Variants in SMAD2 observed in about 807,000 individuals in gnomAD.
SMAD2 encodes SMAD family member 2, also known as MAD homolog 2.
In SMAD2, 8 loss-of-function variants were observed where a neutral mutation model predicts 64.4. The ratio of observed to expected loss-of-function variants is 0.12; its 90% CI spans 0.07 to 0.22. The LOEUF (loss-of-function observed/expected upper bound fraction) is 0.22. SMAD2 is among the 10% of genes least tolerant of loss of function. The pLI is 1.00. For missense variants in SMAD2, 289 were observed against 561.2 expected (o/e 0.51, Z 4.90); for synonymous variants, 203 against 195.8 (o/e 1.04, Z -0.31).
Position 47,820,894 on chromosome 18 carries a change from T to TACACACACACACAC in SMAD2, c.*20932_*20933insGTGTGTGTGTGTGT, listed in dbSNP as rs1491457689. 3.9e-5 allele frequency: 4 copies of TACACACACACACAC among 102,974 alleles called. No individual in the cohort carries two copies. The highest frequency in any genetic ancestry group is 1.6e-4 in the African/African-American group (4 of 24,276). The allele number at this position is 102,974 out of a possible 1,614,324, so 6.4% of individuals were successfully genotyped here. A position where few individuals can be genotyped will look rare whatever the true frequency, so the allele number is the denominator to read the frequency against. Reference sequence around the variant, plus strand: ...GATAGTGTAAATGCTATACATGCACTATACACACACACACACACACACACA... The same window carrying TACACACACACACAC: ...GATAGTGTAAATGCTATACATGCACTACACACACACACACATACACACACACACACACACACACA... On this transcript the variant is annotated 3_prime_UTR_variant, in exon 11 of 11. Coordinates refer to ENST00000262160, the MANE Select transcript of SMAD2 (RefSeq NM_005901.6).
At chr18:47,859,626 T>C (rs1274538462) in intron 6 of SMAD2, among the ~76,000 whole-genome samples, 1 of 152,120 alleles carries the variant, frequency 6.6e-6, no homozygotes. Context: ...ATTTGTAATA[T>C]AGAGCTAACA....
intron 6 of SMAD2, among the ~76,000 whole-genome samples, chr18:47,862,058 T>C (rs1266133821): frequency 6.6e-6 from 1 of 152,184 alleles, no homozygotes; most frequent in Non-Finnish European, 1.5e-5. Flanking sequence ...GAGTAAGTCT[T>C]GTAAGTGGAG....
chr18:47,889,170 G>C (rs115728644), intron 2 of SMAD2, among the ~76,000 whole-genome samples: 228 of 152,246 alleles, frequency 1.5e-3, no homozygotes, highest in African/African-American at 5.4e-3. Flanking sequence ...TTTAGCCCAA[G>C]TACAACAGAA....
chr18:47,913,474 T>C (rs2034220870), intron 1 of SMAD2, among the ~76,000 whole-genome samples: 1 of 152,190 alleles, frequency 6.6e-6, no homozygotes, highest in Non-Finnish European at 1.5e-5. Flanking sequence ...AGCCTTACCT[T>C]TGCATGTCTC....
At chr18:47,875,655 T>C (rs2032221585) in intron 2 of SMAD2, among the ~76,000 whole-genome samples, 1 of 152,158 alleles carries the variant, frequency 6.6e-6, no homozygotes, top group Admixed American at 6.5e-5. Flanking sequence ...ATTATCTACT[T>C]TAAAATGCAA....
Position 47,833,222 on chromosome 18 carries a change from G to C in SMAD2, c.*8605C>G, listed in dbSNP as rs1272164949. 1.4e-5 allele frequency: 3 copies of C among 211,138 alleles called. No individual in the cohort carries two copies. Among genetic ancestry groups the C allele is most frequent in the Non-Finnish European group, 2.9e-5 (3 of 103,722 alleles). The allele number at this position is 211,138 out of a possible 1,614,324, so 13.1% of individuals were successfully genotyped here. ...AAAAGTGAAAGCACATACAGATGAT[G>C]CACACAAATATATATAAAAATTGAC... On this transcript the variant is annotated 3_prime_UTR_variant, in exon 11 of 11. Transcript: ENST00000262160.
In SMAD2 at chr18:47,848,442, T is replaced by C. The variant is rs756924296; in HGVS notation, c.997+33A>G. 4 of 1,508,046 alleles carry C rather than the reference T, an allele frequency of 2.7e-6. No homozygotes were observed. The Admixed American group carries it at 6.7e-5, about 25-fold the overall frequency. The allele number at this position is 1,508,046 out of a possible 1,614,324, so 93.4% of individuals were successfully genotyped here. A position where few individuals can be genotyped will look rare whatever the true frequency, so the allele number is the denominator to read the frequency against. On this transcript the variant is annotated intron_variant, in intron 8 of 10. Coordinates refer to ENST00000262160, the MANE Select transcript of SMAD2 (RefSeq NM_005901.6). The stretch of plus-strand genomic sequence containing the variant: ...ATGCCTACATTATGAGTATACAGCA[T>C]TTATTTTTCACAACAAGGAAAATAA...
At position 47,889,770 on chromosome 18, in the gene SMAD2, C is replaced by CA. The variant is rs762837949; in HGVS notation, c.236+6750dup. On this transcript the variant is annotated intron_variant, in intron 2 of 10. Transcript: ENST00000262160. ...TGGGTGACAGAGCGAGACTCCATCT[C>CA]AAAAAAAAAAAAAAGGACTGGAAAC... Among the ~76,000 whole-genome samples the CA allele has an allele frequency of 5.5e-3, 522 of 95,068 alleles. 3 individuals carry two copies. Among genetic ancestry groups the CA allele is most frequent in the Middle Eastern group, 0.021 (3 of 142 alleles). The allele number at this position is 95,068 out of a possible 152,430, so 62.4% of individuals were successfully genotyped here. A position where few individuals can be genotyped will look rare whatever the true frequency, so the allele number is the denominator to read the frequency against.
intron 7 of SMAD2, among the ~76,000 whole-genome samples, chr18:47,849,105 A>G (rs1321533287): frequency 6.6e-6 from 1 of 152,324 alleles, no homozygotes; most frequent in East Asian, 1.9e-4. Context: ...ATGAGTCAAA[A>G]GCCACACAAA....
rs1350260535 is a variant in SMAD2 at position 47,816,004 on chromosome 18, CT to C, written c.*25822del. The stretch of plus-strand genomic sequence containing the variant: ...TTTCCTCTACCACTTGGCTAAGAAG[CT>C]GAGGAGGAACTGGCAGTGAGGGAGG... On this transcript the variant is annotated 3_prime_UTR_variant, in exon 11 of 11. Transcript: ENST00000262160. The C allele has an allele frequency of 6.6e-6, 1 of 152,220 alleles. No individual in the cohort carries two copies. Among genetic ancestry groups the C allele is most frequent in the Admixed American group, 6.5e-5 (1 of 15,282 alleles). 9.4% of individuals were successfully genotyped at this position (152,220 alleles called of 1,614,324 possible).
At chr18:47,870,365 T>C in intron 3 of SMAD2, 110 bp downstream of exon 3, 1 of 777,562 alleles carries the variant, frequency 1.3e-6, no homozygotes, top group Non-Finnish European at 2.3e-6. Context: ...TTATTTTACA[T>C]TAAGGAAACA....
chr18:47,861,159 C>A (rs1341941389), intron 6 of SMAD2, among the ~76,000 whole-genome samples: 2 of 152,088 alleles, frequency 1.3e-5, no homozygotes, highest in African/African-American at 4.8e-5. Context: ...AGTTCGAGAC[C>A]AGCCTGACCA....
rs574492167 is a variant in SMAD2 at position 47,915,046 on chromosome 18, G to T, written c.-54+15315C>A. Among the ~76,000 whole-genome samples, 15 of 152,016 alleles carry T rather than the reference G, an allele frequency of 9.9e-5. 1 individual carries two copies. The highest frequency in any genetic ancestry group is 9.2e-4 in the Admixed American group (14 of 15,270). ...TTCTCCAGGTATCTTGGTTTTTATTGTAAATGGGGACTTTAATTACACAAA... is the reference window on the plus strand; with the variant it reads ...TTCTCCAGGTATCTTGGTTTTTATTTTAAATGGGGACTTTAATTACACAAA... On this transcript the variant is annotated intron_variant, in intron 1 of 10. Coordinates refer to ENST00000262160, the MANE Select transcript of SMAD2 (RefSeq NM_005901.6).
intron 2 of SMAD2, among the ~76,000 whole-genome samples, chr18:47,895,894 C>T (rs1320098114): frequency 6.6e-6 from 1 of 152,192 alleles, no homozygotes; most frequent in Non-Finnish European, 1.5e-5. Context: ...AGTAGTAAAA[C>T]ACACTTTAAA....
rs891498036 is a variant in SMAD2, at chr18:47,834,703, T to A, written c.*7124A>T. 1 of 220,634 alleles carries A rather than the reference T, an allele frequency of 4.5e-6. No individual in the cohort carries two copies. The highest frequency in any genetic ancestry group is 2.2e-5 in the African/African-American group (1 of 44,638). 13.7% of individuals were successfully genotyped at this position (220,634 alleles called of 1,614,324 possible). ...TAATCAAGCAAATTAGTGAGCAGTG[T>A]ATAAAAGCTCACTCTTGAAATCTGT... On this transcript the variant is annotated 3_prime_UTR_variant, in exon 11 of 11. Transcript: ENST00000262160.
chr18:47,851,358 G>C (rs779142053), intron 6 of SMAD2, 31 bp from the exon 7 acceptor site: 34 of 1,467,774 alleles, frequency 2.3e-5, no homozygotes, highest in Non-Finnish European at 3.2e-5. Context: ...AATAAATGAA[G>C]TATTTCCAGA....
intron 2 of SMAD2, among the ~76,000 whole-genome samples, chr18:47,878,067 G>A (rs2032370594): frequency 6.6e-6 from 1 of 152,076 alleles, no homozygotes; most frequent in Non-Finnish European, 1.5e-5. Flanking sequence ...GTCACCAAAT[G>A]TGCATTCCGG....
chr18:47,889,665 G>A (rs1425076727), intron 2 of SMAD2, among the ~76,000 whole-genome samples: 1 of 152,002 alleles, frequency 6.6e-6, no homozygotes, highest in African/African-American at 2.4e-5. Context: ...CAGCTACTCA[G>A]GAGGCTGAGG....
intron 1 of SMAD2, among the ~76,000 whole-genome samples, chr18:47,914,421 T>TA (rs1289733957): frequency 1.3e-5 from 2 of 152,302 alleles, no homozygotes; most frequent in African/African-American, 4.8e-5. Context: ...CAACTGGGGT[T>TA]AGGTACTATT....
Sources: allele counts gnomAD v4.1 joint callset (sites outside exome capture counted in the v4.1 genomes callset), GRCh38; gene constraint gnomAD v4.1.1; transcripts MANE v1.5; gene names NCBI Gene and HGNC (gene_info 2026-07-23, HGNC 2026-07-21).